C16orf89: variants seen among roughly 807,000 people sequenced by gnomAD.
C16orf89 encodes the protein UPF0764 protein C16orf89.
C16orf89 carries 57 observed loss-of-function variants against 41.5 expected under a neutral mutation model. That is an observed-to-expected ratio of 1.38 (90% confidence interval 1.11 to 1.71). C16orf89 has a LOEUF of 1.71. C16orf89 is among the 40% of genes most tolerant of loss of function. C16orf89 has a pLI of 0.00. For synonymous variants in C16orf89, 223 were observed against 190.6 expected (o/e 1.17, Z -1.40); for missense variants, 575 against 445.9 (o/e 1.29, Z -2.61).
intron 6 of C16orf89, among the ~76,000 whole-genome samples, chr16:5,053,773 C>A (rs1433644995): frequency 6.6e-6 from 1 of 152,194 alleles, no homozygotes; most frequent in African/African-American, 2.4e-5. Context: ...TTTCTAATTC[C>A]TGAGCTCAAG....
At chr16:5,053,822 T>C (rs1264882229) in intron 6 of C16orf89, among the ~76,000 whole-genome samples, 1 of 152,198 alleles carries the variant, frequency 6.6e-6, no homozygotes, top group Non-Finnish European at 1.5e-5. Flanking sequence ...GGTGGGATTA[T>C]AAGGCGTAGC....
At chr16:5,063,962 A>C (rs902534743) in intron 1 of C16orf89, among the ~76,000 whole-genome samples, 1 of 152,028 alleles carries the variant, frequency 6.6e-6, no homozygotes, top group Non-Finnish European at 1.5e-5. Context: ...CCTCATCTCT[A>C]CCAAAAATAC....
chr16:5,065,385 C>G (rs1367602991), intron 1 of C16orf89, among the ~76,000 whole-genome samples: 1 of 152,216 alleles, frequency 6.6e-6, no homozygotes, highest in South Asian at 2.1e-4. Context: ...TAACGGGGCA[C>G]TCTCCCTGCT....
Position 5,052,374 on chromosome 16 carries a change from G to C in C16orf89, c.868+2872C>G, listed in dbSNP as rs200788781. On this transcript the variant is annotated intron_variant, in intron 6 of 7. Coordinates refer to ENST00000472572, the MANE Select transcript of C16orf89 (RefSeq NM_001098514.3). ...GAGGCCGTGGCTGGTGGATCACTTT[G>C]AGCTCAGGAATTCTGGATCAGCTTG... Among the ~76,000 whole-genome samples the C allele has an allele frequency of 2.0e-5, 3 of 152,268 alleles. No homozygotes were observed. In the East Asian group the frequency reaches 5.8e-4, roughly 29 times the overall value.
At chr16:5,049,605 A>G (rs1956361260) in intron 6 of C16orf89, among the ~76,000 whole-genome samples, 2 of 152,172 alleles carry the variant, frequency 1.3e-5, no homozygotes, top group South Asian at 4.1e-4. Flanking sequence ...TGAATGACCA[A>G]TGAGCAAATG....
At chr16:5,048,044 G>A (rs993059863) in intron 6 of C16orf89, 80 bp from the exon 7 acceptor site, 12 of 788,376 alleles carry the variant, frequency 1.5e-5, no homozygotes, top group Admixed American at 2.2e-5. Flanking sequence ...TGCTTTTATT[G>A]TAGAGACAGG....
Position 5,059,301 on chromosome 16 carries a change from C to G in C16orf89, c.510-691G>C, listed in dbSNP as rs371049452. On this transcript the variant is annotated intron_variant, in intron 3 of 7. Transcript: ENST00000472572. ...AAATAAAGTAAAAATAAAAAATACA[C>G]ACACAAATACAAAAATTAGCCGGGC... Among the ~76,000 whole-genome samples the G allele has an allele frequency of 2.0e-5, 3 of 150,548 alleles. No homozygotes were observed. The East Asian group carries it at 6.0e-4, about 30-fold the overall frequency.
intron 1 of C16orf89, 50 bp downstream of exon 1, chr16:5,065,651 C>T: frequency 6.5e-7 from 1 of 1,550,048 alleles, no homozygotes; most frequent in Admixed American, 1.7e-5. Context: ...GGGGACAAAG[C>T]TGAGAGCTAG....
Position 5,055,938 on chromosome 16 carries a change from C to CGTGTGTGT in C16orf89, c.763+107_763+114dup, listed in dbSNP as rs531301214. On this transcript the variant is annotated intron_variant, in intron 5 of 7. Coordinates refer to ENST00000472572, the MANE Select transcript of C16orf89 (RefSeq NM_001098514.3). ...TTTTACTTGCTTAATCTGGCAACTCCGTGTGTGTGTGTGTGTGTGTGTGTG... is the reference window on the plus strand; with the variant it reads ...TTTTACTTGCTTAATCTGGCAACTCCGTGTGTGTGTGTGTGTGTGTGTGTGTGTGTGTG... The CGTGTGTGT allele has an allele frequency of 2.2e-3, 1,991 of 907,826 alleles. 27 individuals are homozygous for CGTGTGTGT. Among genetic ancestry groups the CGTGTGTGT allele is most frequent in the East Asian group, 0.011 (343 of 29,862 alleles). The allele number at this position is 907,826 out of a possible 1,614,324, so 56.2% of individuals were successfully genotyped here.
At chr16:5,047,471 C>CTT (rs34384781) in intron 7 of C16orf89, among the ~76,000 whole-genome samples, 345 of 144,028 alleles carry the variant, frequency 2.4e-3, no homozygotes, top group Non-Finnish European at 3.2e-3. Context: ...TTCTTTCTTT[C>CTT]TTTTTTTTTT....
intron 6 of C16orf89, among the ~76,000 whole-genome samples, chr16:5,050,715 T>C (rs1458291688): frequency 1.3e-5 from 2 of 152,188 alleles, no homozygotes; most frequent in Admixed American, 1.3e-4. Context: ...ATTTCCCTGA[T>C]GAACCTAGAT....
intron 4 of C16orf89, among the ~76,000 whole-genome samples, chr16:5,058,192 A>G (rs574843470): frequency 4.6e-5 from 7 of 151,604 alleles, no homozygotes; most frequent in Non-Finnish European, 2.9e-5. Flanking sequence ...CAGTGGCGCA[A>G]TCTTACTCAC....
At chr16:5,056,279 G>C in intron 4 of C16orf89, 91 bp from the exon 5 acceptor site, 5 of 1,263,488 alleles carry the variant, frequency 4.0e-6, no homozygotes, top group Non-Finnish European at 5.5e-6. Flanking sequence ...GTTCTGAGAC[G>C]GTCTTGCAAG....
intron 6 of C16orf89, among the ~76,000 whole-genome samples, chr16:5,051,398 A>G (rs1956393969): frequency 6.6e-6 from 1 of 152,220 alleles, no homozygotes; most frequent in Non-Finnish European, 1.5e-5. Context: ...GTAGCATTTC[A>G]TACACCTACA....
intron 6 of C16orf89, 29 bp downstream of exon 6, chr16:5,055,217 T>C (rs749005623): frequency 1.8e-5 from 22 of 1,245,700 alleles, no homozygotes; most frequent in Admixed American, 3.6e-5. Flanking sequence ...ACTGCCCCCC[T>C]TCTTAGCCAG....
intron 6 of C16orf89, among the ~76,000 whole-genome samples, chr16:5,053,192 A>C (rs1332812020): frequency 6.6e-6 from 1 of 152,124 alleles, no homozygotes; most frequent in Non-Finnish European, 1.5e-5. Flanking sequence ...CAACATGGTG[A>C]AACCCCCTCT....
intron 6 of C16orf89, among the ~76,000 whole-genome samples, chr16:5,053,486 T>C (rs1352263151): frequency 6.6e-6 from 1 of 150,994 alleles, no homozygotes; most frequent in Non-Finnish European, 1.5e-5. Context: ...GGAGGAGGAA[T>C]AAGTGGTACC....
Position 5,060,085 on chromosome 16 carries a change from G to T in C16orf89, c.509+201C>A. On this transcript the variant is annotated intron_variant, in intron 3 of 7. Coordinates refer to ENST00000472572, the MANE Select transcript of C16orf89 (RefSeq NM_001098514.3). ...GCTGCTGGAAGGCCTGCTGTGGCATGGGAGGCCAGCGGGCGGCTGGAGCAA... is the reference window on the plus strand; with the variant it reads ...GCTGCTGGAAGGCCTGCTGTGGCATTGGAGGCCAGCGGGCGGCTGGAGCAA... 2 of 519,418 alleles carry T rather than the reference G, an allele frequency of 3.9e-6. 1 individual carries two copies. The highest frequency in any genetic ancestry group is 6.9e-5 in the Admixed American group (2 of 28,806). 32.2% of individuals were successfully genotyped at this position (519,418 alleles called of 1,614,324 possible).
chr16:5,055,807 A>T, intron 5 of C16orf89: 1 of 1,436,010 alleles, frequency 7.0e-7, no homozygotes. Flanking sequence ...AACAATGAAT[A>T]TAATTTTTGA....
Sources: allele counts gnomAD v4.1 joint callset (sites outside exome capture counted in the v4.1 genomes callset), GRCh38; gene constraint gnomAD v4.1.1; transcripts MANE v1.5; gene names NCBI Gene and HGNC (gene_info 2026-07-23, HGNC 2026-07-21).